Variants in GPR75 observed in about 807,000 individuals in gnomAD.
GPR75 encodes probable G protein-coupled receptor 75.
Under a neutral mutation model 26.0 loss-of-function variants are expected in GPR75, and 27 were observed. The observed-to-expected ratio is 1.04, with a 90% CI of 0.77 to 1.43. The LOEUF (loss-of-function observed/expected upper bound fraction) is 1.43, where lower values mean the gene tolerates loss of function less well. Among genes scored for constraint, GPR75 ranks in the 40% most tolerant of loss-of-function variants. GPR75 has a pLI of 0.00. For missense variants in GPR75, 699 were observed against 662.3 expected, an observed-to-expected ratio of 1.06 and a Z score of -0.61; for synonymous variants, 285 against 256.3, an observed-to-expected ratio of 1.11 and a Z score of -1.07.
At position 53,853,518 on chromosome 2, in the gene GPR75, C is replaced by G. The variant is rs368527395; in HGVS notation, c.1239G>C (p.Gly413=). 2.5e-4 allele frequency: 410 copies of G among 1,614,140 alleles called. No homozygotes were observed. Among genetic ancestry groups the G allele is most frequent in the Middle Eastern group, 9.9e-4 (6 of 6,062 alleles). ...ATTTGTTTCTGTTGACTTCGAGGTTCCCTTTTCCCATGGCTCGAAGTCGAG... is the reference window on the plus strand; with the variant it reads ...ATTTGTTTCTGTTGACTTCGAGGTTGCCTTTTCCCATGGCTCGAAGTCGAG... ...QKTRLRAMGK[G]NLEVNRNKSS... is the part of the protein sequence containing the mutation. The change falls in exon 2 of 2, where the codon GGG becomes GGC. Residue 413 remains glycine (G), a synonymous_variant. Coordinates refer to ENST00000394705, the MANE Select transcript of GPR75 (RefSeq NM_006794.4).
intron 1 of GPR75, 63 bp downstream of exon 1, chr2:53,859,765 G>C (rs925973457): frequency 1.2e-5 from 16 of 1,310,660 alleles, no homozygotes; most frequent in Non-Finnish European, 1.7e-5. Context: ...TATCCCGCCA[G>C]CCTCCGGGAG....
chr2:53,853,077 G>C lies in GPR75; in HGVS notation c.*57C>G. 1.6e-6 allele frequency: 2 copies of C among 1,263,586 alleles called. No homozygotes were observed. Among genetic ancestry groups the C allele is most frequent in the Non-Finnish European group, 2.2e-6 (2 of 891,714 alleles). 78.3% of individuals were successfully genotyped at this position (1,263,586 alleles called of 1,614,324 possible). A position where few individuals can be genotyped will look rare whatever the true frequency, so the allele number is the denominator to read the frequency against. ...GCCACTGATCTCAAGTTAGAATAAA[G>C]TCCATTACTATCAGAAACAAAAACT... is the stretch of plus-strand genomic sequence containing the variant. On this transcript the variant is annotated 3_prime_UTR_variant, in exon 2 of 2. Coordinates refer to ENST00000394705, the MANE Select transcript of GPR75 (RefSeq NM_006794.4).
intron 1 of GPR75, among the ~76,000 whole-genome samples, chr2:53,859,480 G>A (rs978602379): frequency 1.3e-5 from 2 of 152,170 alleles, no homozygotes; most frequent in African/African-American, 4.8e-5. Flanking sequence ...CCCGTGAGGG[G>A]CTGGCGGTGG....
chr2:53,858,539 G>C (rs1228310305), intron 1 of GPR75, among the ~76,000 whole-genome samples: 3 of 151,998 alleles, frequency 2.0e-5, no homozygotes, highest in Non-Finnish European at 4.4e-5. Flanking sequence ...GCTGGGAAGA[G>C]AAAAGGGAGA....
Position 53,853,645 on chromosome 2 carries a change from A to G in GPR75, c.1112T>C (p.Leu371Ser). The G allele has an allele frequency of 6.2e-7, 1 of 1,614,132 alleles. No individual in the cohort carries two copies. ...GTTCCGAGAATATATAAAAGGGTTT[A>G]ATCCTGACTTGAAAAATATAAGAGT... is the stretch of plus-strand genomic sequence containing the variant. ...GFTLIFFKSG[L>S]NPFIYSRNSA... The change falls in exon 2 of 2, where the codon TTA becomes TCA. Residue 371 changes from leucine to serine, a missense_variant. Coordinates refer to ENST00000394705, the MANE Select transcript of GPR75 (RefSeq NM_006794.4).
chr2:53,855,297 A>G (rs1435209806), intron 1 of GPR75, among the ~76,000 whole-genome samples: 3 of 152,338 alleles, frequency 2.0e-5, no homozygotes, highest in Non-Finnish European at 4.4e-5. Context: ...TGTCACCTGA[A>G]GAGCATGTTA....
intron 1 of GPR75, among the ~76,000 whole-genome samples, chr2:53,858,006 C>T (rs1415240627): frequency 2.6e-5 from 4 of 152,110 alleles, no homozygotes; most frequent in Admixed American, 2.6e-4. Flanking sequence ...TCTCAATGTT[C>T]CACACTATTA....
At position 53,854,557 on chromosome 2, in the gene GPR75, A is replaced by G. The variant is rs1245080452; in HGVS notation, c.200T>C (p.Phe67Ser). The change falls in exon 2 of 2, where the codon TTC becomes TCC. Residue 67 changes from phenylalanine (F) to serine (S), a missense_variant. Phe to Ser is a radical substitution (Grantham distance 155). Transcript: ENST00000394705. ...GAATTTCCTGAAGGCTGGATCGAAGAAGGACAAGAAGACAATGAAGTTGCC... is the reference window on the plus strand; with the variant it reads ...GAATTTCCTGAAGGCTGGATCGAAGGAGGACAAGAAGACAATGAAGTTGCC... Reference protein sequence around the residue: ...SYGNFIVFLSFFDPAFRKFRT... With the variant: ...SYGNFIVFLSSFDPAFRKFRT... 1.9e-6 allele frequency: 3 copies of G among 1,613,956 alleles called. No homozygotes were observed. The highest frequency in any genetic ancestry group is 1.3e-5 in the African/African-American group (1 of 74,924).
Position 53,854,404 on chromosome 2 carries a change from C to A in GPR75, c.353G>T (p.Cys118Phe). The A allele has an allele frequency of 6.2e-7, 1 of 1,613,986 alleles. No individual in the cohort carries two copies. The highest frequency in any genetic ancestry group is 1.3e-5 in the African/African-American group (1 of 75,002). ...TGAACTGGTGAGATGGAAAGTGAAG[C>A]AGAAAGCATCCGGGATACTACTGGC... Reference protein sequence around the residue: ...SSASSIPDAFCFTFHLTSSGF... With the variant: ...SSASSIPDAFFFTFHLTSSGF... The change falls in exon 2 of 2, where the codon TGC becomes TTC. Residue 118 changes from cysteine (C) to phenylalanine (F), a missense_variant. Physicochemically the swap from Cys to Phe is radical, Grantham distance 205. Transcript: ENST00000394705.
intron 1 of GPR75, among the ~76,000 whole-genome samples, chr2:53,858,382 C>T: frequency 6.9e-6 from 1 of 145,250 alleles, no homozygotes; most frequent in East Asian, 2.1e-4. Context: ...GCTATATCTA[C>T]ATCTATGTAG....
rs774883548 is a variant in GPR75 at position 53,853,397 on chromosome 2, T to C, written c.1360A>G (p.Ser454Gly). Residue 454 changes from serine (S) to glycine (G), a missense_variant, in exon 2 of 2, where the codon AGT becomes GGT. Transcript: ENST00000394705. The stretch of plus-strand genomic sequence containing the variant: ...GCAGAGATCTTGGGACTCACCATAC[T>C]TTCTTTTGAATGACTTGGGCCACAA... ...QACGPSHSKE[S>G]MVSPKISAGH... 1.2e-6 allele frequency: 2 copies of C among 1,614,202 alleles called. No individual in the cohort carries two copies. Among genetic ancestry groups the C allele is most frequent in the Admixed American group, 1.7e-5 (1 of 60,022 alleles).
Position 53,853,861 on chromosome 2 carries a change from G to A in GPR75, c.896C>T (p.Ala299Val). The A allele has an allele frequency of 6.2e-7, 1 of 1,614,100 alleles. No individual in the cohort carries two copies. The highest frequency in any genetic ancestry group is 8.5e-7 in the Non-Finnish European group (1 of 1,179,998). ...TKSPNQLVTP[A>V]ASRLQLVSAI... is the part of the protein sequence containing the mutation. ...TGATACGAGCTGGAGTCGGCTTGCT[G>A]CAGGGGTGACCAGTTGGTTGGGACT... Residue 299 changes from alanine to valine, a missense_variant, in exon 2 of 2, where the codon GCA (alanine) becomes GTA (valine). By Grantham distance (64) the Ala-to-Val change is moderately conservative. Coordinates refer to ENST00000394705, the MANE Select transcript of GPR75 (RefSeq NM_006794.4).
chr2:53,859,299 T>A (rs934340687), intron 1 of GPR75, among the ~76,000 whole-genome samples: 20 of 151,994 alleles, frequency 1.3e-4, no homozygotes, highest in African/African-American at 4.6e-4. Context: ...TTCCCCAAGG[T>A]CATTATCTGA....
intron 1 of GPR75, among the ~76,000 whole-genome samples, chr2:53,856,843 A>T (rs940994722): frequency 6.6e-6 from 1 of 150,718 alleles, no homozygotes; most frequent in African/African-American, 2.4e-5. Context: ...TTGTTTCTTG[A>T]TGGTTAGAAT....
intron 1 of GPR75, among the ~76,000 whole-genome samples, chr2:53,859,324 C>A (rs949845771): frequency 2.0e-5 from 3 of 152,002 alleles, no homozygotes; most frequent in African/African-American, 7.2e-5. Context: ...AAAGCCCTTG[C>A]TCTTTCTATC....
chr2:53,856,980 G>A (rs1195596709), intron 1 of GPR75, among the ~76,000 whole-genome samples: 2 of 60,500 alleles, frequency 3.3e-5, no homozygotes, highest in South Asian at 5.4e-4. Flanking sequence ...TTTTTGAGAC[G>A]GAGTCTCGCT....
At chr2:53,858,526 T>C (rs2104398287) in intron 1 of GPR75, among the ~76,000 whole-genome samples, 1 of 151,310 alleles carries the variant, frequency 6.6e-6, no homozygotes, top group East Asian at 1.9e-4. Context: ...AAAGGAATCA[T>C]GGGCTGGGAA....
rs1252154527 is a variant in GPR75, at chr2:53,853,286, A to G, written c.1471T>C (p.Ser491Pro). Residue 491 changes from serine (S) to proline (P), a missense_variant, in exon 2 of 2, where the codon TCC becomes CCC. Physicochemically the swap from Ser to Pro is moderately conservative, Grantham distance 74. Transcript: ENST00000394705. The part of the protein sequence containing the change: ...PYYSIYNSSP[S>P]QEESSPCNLQ... Reference sequence around the variant, plus strand: ...TTACATGGGCTGCTCTCCTCCTGGGAAGGGCTGCTGTTATAGATGCTGTAG... The same window carrying G: ...TTACATGGGCTGCTCTCCTCCTGGGGAGGGCTGCTGTTATAGATGCTGTAG... 1 of 1,614,154 alleles carries G rather than the reference A, an allele frequency of 6.2e-7. No individual in the cohort carries two copies. Among genetic ancestry groups the G allele is most frequent in the African/African-American group, 1.3e-5 (1 of 75,018 alleles).
chr2:53,857,057 G>A (rs970462088), intron 1 of GPR75, among the ~76,000 whole-genome samples: 5 of 132,842 alleles, frequency 3.8e-5, no homozygotes, highest in Admixed American at 1.9e-4. Context: ...TCCGCTTCCC[G>A]GGTTCACGCC....
Sources: gnomAD v4.1 joint callset for allele counts (sites outside exome capture counted in the v4.1 genomes callset) on GRCh38, gnomAD v4.1.1 for gene constraint, MANE v1.5 for transcripts, NCBI Gene and HGNC (gene_info 2026-07-23, HGNC 2026-07-21) for gene names.